Variants in MPI observed in about 807,000 individuals in gnomAD.
MPI encodes the protein mannose-6-phosphate isomerase.
In MPI, 33 loss-of-function variants were observed where a neutral mutation model predicts 40.1. The observed-to-expected ratio is 0.82, with a 90% confidence interval of 0.62 to 1.10. MPI has a LOEUF of 1.10. MPI is among the 50% of genes least tolerant of loss of function. The pLI, the probability that MPI is intolerant of heterozygous loss-of-function variation, is 0.00. For missense variants in MPI, 514 were observed against 524.1 expected, an observed-to-expected ratio of 0.98 and a Z score of 0.19; for synonymous variants, 187 against 207.4, an observed-to-expected ratio of 0.90 and a Z score of 0.85.
chr15:74,892,499 A>G (rs2064741908), intron 3 of MPI, among the ~76,000 whole-genome samples, 162 bp from the exon 4 acceptor site: 1 of 152,220 alleles, frequency 6.6e-6, no homozygotes, highest in Admixed American at 6.5e-5. Context: ...CTGAGCCCCA[A>G]GTTTCTGCAA....
chr15:74,890,748 A>G (rs1165411182), intron 2 of MPI, 94 bp downstream of exon 2: 2 of 1,578,624 alleles, frequency 1.3e-6, no homozygotes, highest in Admixed American at 1.7e-5. Context: ...AGGGTGAGGC[A>G]GCAAGGAGGG....
chr15:74,896,431 T>C (rs1376015268), intron 6 of MPI, 106 bp downstream of exon 6: 31 of 1,332,832 alleles, frequency 2.3e-5, no homozygotes, highest in Non-Finnish European at 3.2e-5. Flanking sequence ...CCCAAGGACC[T>C]TGCAGCTCTG....
In MPI at chr15:74,897,600, C is replaced by T. The variant is rs145481549; in HGVS notation, c.1142C>T (p.Thr381Ile). Residue 381 changes from threonine (T) to isoleucine (I), a missense_variant, in exon 8 of 8, where the codon ACA (threonine) becomes ATA (isoleucine). Coordinates refer to ENST00000352410, the MANE Select transcript of MPI (RefSeq NM_002435.3). ...GTACAGGGGACAGTAATAGCCAGCA[C>T]ACCCACAACCCAGACACCAATCCCT... is the stretch of plus-strand genomic sequence containing the variant. The part of the protein sequence containing the change: ...LMVQGTVIAS[T>I]PTTQTPIPLQ... 1.1e-5 allele frequency: 17 copies of T among 1,614,222 alleles called. No homozygotes were observed. Among genetic ancestry groups the T allele is most frequent in the Non-Finnish European group, 1.4e-5 (16 of 1,180,034 alleles).
chr15:74,901,900 A>G lies in MPI; in HGVS notation c.*4170A>G. On this transcript the variant is annotated 3_prime_UTR_variant, in exon 8 of 8. Transcript: ENST00000352410. The stretch of plus-strand genomic sequence containing the variant: ...AAATAAATAAATATGAACATGTCAG[A>G]GCAGTTTTTCTCTAACTAGGGAAGG... 1 of 391,690 alleles carries G rather than the reference A, an allele frequency of 2.6e-6. No individual in the cohort carries two copies. The highest frequency in any genetic ancestry group is 4.5e-6 in the Non-Finnish European group (1 of 222,214). 24.3% of individuals were successfully genotyped at this position (391,690 alleles called of 1,614,324 possible).
chr15:74,890,791 CTAGA>C (rs2064714812), intron 2 of MPI, 137 bp downstream of exon 2: 2 of 1,143,554 alleles, frequency 1.7e-6, no homozygotes, highest in Non-Finnish European at 2.6e-6. Flanking sequence ...GGCTAATGGA[CTAGA>C]TAGTGTTATC....
chr15:74,893,709 C>T (rs1366201505), intron 5 of MPI: 3 of 527,166 alleles, frequency 5.7e-6, no homozygotes, highest in Non-Finnish European at 1.0e-5. Context: ...GGACTGATGC[C>T]TCCAGCACTC....
intron 4 of MPI, 36 bp downstream of exon 4, chr15:74,892,838 G>C (rs567405967): frequency 6.2e-7 from 1 of 1,614,122 alleles, no homozygotes; most frequent in African/African-American, 1.3e-5. Context: ...ATGCGTACTG[G>C]GCCAGGGATA....
chr15:74,897,029 C>T lies in MPI; in HGVS notation c.863C>T (p.Ala288Val), dbSNP rs775111649. Residue 288 changes from alanine to valine, a missense_variant, in exon 7 of 8, where the codon GCG becomes GTG. By Grantham distance (64) the Ala-to-Val change is moderately conservative. Coordinates refer to ENST00000352410, the MANE Select transcript of MPI (RefSeq NM_002435.3). ...YLKGDCVECMACSDNTVRAGL... is the reference protein window; with the variant it reads ...YLKGDCVECMVCSDNTVRAGL... ...TCTCCAGACTGCGTGGAGTGCATGG[C>T]GTGTTCAGACAACACAGTTCGTGCT... 1.2e-5 allele frequency: 20 copies of T among 1,614,132 alleles called. No homozygotes were observed. The highest frequency in any genetic ancestry group is 3.3e-5 in the South Asian group (3 of 91,088).
chr15:74,896,273 T>C lies in MPI; in HGVS notation c.792T>C (p.Pro264=). The change falls in exon 6 of 8, where the codon CCT becomes CCC. Residue 264 remains proline, a synonymous_variant. Transcript: ENST00000352410. ...IYFLNLLTLK[P]GEAMFLEANV... ...TCCTGAACCTGCTTACCCTGAAGCCTGGGGAGGCCATGTTTCTGGAGGCCA... is the reference window on the plus strand; with the variant it reads ...TCCTGAACCTGCTTACCCTGAAGCCCGGGGAGGCCATGTTTCTGGAGGCCA... 6.2e-7 allele frequency: 1 copy of C among 1,614,172 alleles called. No individual in the cohort carries two copies. Among genetic ancestry groups the C allele is most frequent in the Non-Finnish European group, 8.5e-7 (1 of 1,180,020 alleles).
At chr15:74,895,977 T>C in intron 5 of MPI, 175 bp from the exon 6 acceptor site, 1 of 657,992 alleles carries the variant, frequency 1.5e-6, no homozygotes, top group Non-Finnish European at 2.7e-6. Context: ...TGGACTGGAG[T>C]ATCAAGCAAG....
At chr15:74,893,586 A>C (rs2064758736) in intron 5 of MPI, 1 of 602,506 alleles carries the variant, frequency 1.7e-6, no homozygotes, top group Admixed American at 2.8e-5. Flanking sequence ...GATGCCTTCC[A>C]CCTAGGCATT....
Position 74,901,891 on chromosome 15 carries a change from A to T in MPI, c.*4161A>T. The stretch of plus-strand genomic sequence containing the variant: ...AGGAAATACAAATAAATAAATATGA[A>T]CATGTCAGAGCAGTTTTTCTCTAAC... On this transcript the variant is annotated 3_prime_UTR_variant, in exon 8 of 8. Transcript: ENST00000352410. The T allele has an allele frequency of 2.6e-6, 1 of 387,924 alleles. No individual in the cohort carries two copies. Among genetic ancestry groups the T allele is most frequent in the Non-Finnish European group, 4.5e-6 (1 of 219,890 alleles). The allele number at this position is 387,924 out of a possible 1,614,324, so 24.0% of individuals were successfully genotyped here.
At position 74,897,885 on chromosome 15, in the gene MPI, G is replaced by C; in HGVS notation, c.*155G>C. 1.3e-6 allele frequency: 1 copy of C among 762,606 alleles called. No homozygotes were observed. Among genetic ancestry groups the C allele is most frequent in the East Asian group, 2.7e-5 (1 of 37,282 alleles). The allele number at this position is 762,606 out of a possible 1,614,324, so 47.2% of individuals were successfully genotyped here. ...GGGGAGGAGGGAGCGTGAAGGTAGTGACTCCTGAACACACCCAGGTGGAAC... is the reference window on the plus strand; with the variant it reads ...GGGGAGGAGGGAGCGTGAAGGTAGTCACTCCTGAACACACCCAGGTGGAAC... On this transcript the variant is annotated 3_prime_UTR_variant, in exon 8 of 8. Coordinates refer to ENST00000352410, the MANE Select transcript of MPI (RefSeq NM_002435.3).
At position 74,896,343 on chromosome 15, in the gene MPI, A is replaced by G; in HGVS notation, c.844+18A>G. The G allele has an allele frequency of 6.2e-7, 1 of 1,613,970 alleles. No individual in the cohort carries two copies. Among genetic ancestry groups the G allele is most frequent in the Non-Finnish European group, 8.5e-7 (1 of 1,179,978 alleles). On this transcript the variant is annotated intron_variant, in intron 6 of 7. Transcript: ENST00000352410. ...GAAAGGAGGTGAGCCACATTTCAGC[A>G]GTGAGCCCCACTGCCATCCCTGCTG... is the stretch of plus-strand genomic sequence containing the variant.
rs1363488904 is a variant in MPI at position 74,902,151 on chromosome 15, G to T, written c.*4421G>T. 15 of 398,594 alleles carry T rather than the reference G, an allele frequency of 3.8e-5. No homozygotes were observed. Among genetic ancestry groups the T allele is most frequent in the Non-Finnish European group, 4.4e-6 (1 of 226,110 alleles). 24.7% of individuals were successfully genotyped at this position (398,594 alleles called of 1,614,324 possible). On this transcript the variant is annotated 3_prime_UTR_variant, in exon 8 of 8. Coordinates refer to ENST00000352410, the MANE Select transcript of MPI (RefSeq NM_002435.3). ...AGAGCTAGGAAGAATAGAGCAAACG[G>T]AATTTCTCGAACTGGTCTCAAACAG...
In MPI at chr15:74,900,135, C is replaced by T. The variant is rs2064892096; in HGVS notation, c.*2405C>T. The T allele has an allele frequency of 6.6e-6, 1 of 152,340 alleles. No homozygotes were observed. The highest frequency in any genetic ancestry group is 2.1e-4 in the South Asian group (1 of 4,830). 9.4% of individuals were successfully genotyped at this position (152,340 alleles called of 1,614,324 possible). On this transcript the variant is annotated 3_prime_UTR_variant, in exon 8 of 8. Coordinates refer to ENST00000352410, the MANE Select transcript of MPI (RefSeq NM_002435.3). ...TACACCCCTCTCCTCAGGAAACTGT[C>T]ACCTGCAGAACACACAGCACTCAGA...
At chr15:74,897,416 C>T in intron 7 of MPI, 96 bp from the exon 8 acceptor site, 1 of 1,372,184 alleles carries the variant, frequency 7.3e-7, no homozygotes, top group Non-Finnish European at 1.0e-6. Flanking sequence ...GAGAAGGTGG[C>T]AGAGCTCTCC....
At chr15:74,890,129 A>G (rs1044018422) in intron 1 of MPI, 40 bp downstream of exon 1, 50 of 1,606,466 alleles carry the variant, frequency 3.1e-5, no homozygotes, top group Non-Finnish European at 4.2e-5. Context: ...GTGTTCGTGG[A>G]GCGCGTCCTG....
Position 74,897,215 on chromosome 15 carries a change from C to T in MPI, c.1049C>T (p.Thr350Met), listed in dbSNP as rs116933453. The T allele has an allele frequency of 1.0e-3, 1,629 of 1,613,980 alleles. 13 individuals carry two copies. In the East Asian group the frequency reaches 0.022, roughly 22 times the overall value. Reference sequence around the variant, plus strand: ...GTACCAGACTTCACCATTATGAAGACGGAGGTGAGTGAGGGGCTATGATGG... The same window carrying T: ...GTACCAGACTTCACCATTATGAAGATGGAGGTGAGTGAGGGGCTATGATGG... ...PPVPDFTIMK[T>M]EVPGSVTEYK... The change falls in exon 7 of 8, where the codon ACG (threonine) becomes ATG (methionine). Residue 350 changes from threonine (T) to methionine (M), a missense_variant. Transcript: ENST00000352410.
Sources: allele counts gnomAD v4.1 joint callset (sites outside exome capture counted in the v4.1 genomes callset), GRCh38; gene constraint gnomAD v4.1.1; transcripts MANE v1.5; gene names NCBI Gene and HGNC (gene_info 2026-07-23, HGNC 2026-07-21).